Variants in FAT2 observed in about 807,000 individuals in gnomAD.
The protein encoded by FAT2 is FAT atypical cadherin 2, also known as protocadherin Fat 2.
A neutral mutation model predicts 295.3 loss-of-function variants in FAT2; 150 were observed. The ratio of observed to expected loss-of-function variants is 0.51; its 90% CI spans 0.44 to 0.58. The LOEUF (loss-of-function observed/expected upper bound fraction) is 0.58. Among genes scored for constraint, FAT2 ranks in the 20% least tolerant of loss-of-function variants. FAT2 has a pLI of 0.00. For missense variants in FAT2, 4,868 were observed against 5,442.7 expected, an observed-to-expected ratio of 0.89 and a Z score of 3.32; for synonymous variants, 2,026 against 2,150.3, an observed-to-expected ratio of 0.94 and a Z score of 1.60.
At chr5:151,538,750 T>C (rs1294430341) in intron 11 of FAT2, among the ~76,000 whole-genome samples, 1 of 152,158 alleles carries the variant, frequency 6.6e-6, no homozygotes, top group Non-Finnish European at 1.5e-5. Flanking sequence ...CGATCTTGGC[T>C]CACTGCAACC....
chr5:151,537,779 C>A lies in FAT2; in HGVS notation c.9193+14G>T, dbSNP rs754331468. The A allele has an allele frequency of 6.2e-7, 1 of 1,604,882 alleles. No homozygotes were observed. On this transcript the variant is annotated intron_variant, in intron 12 of 23. Transcript: ENST00000261800. ...AGAAGTTCTTGTTTTGATCCTGCAG[C>A]TCAGGAAACCCACCTGTATGAGGAT...
chr5:151,531,834 A>ACGGAC lies in FAT2; in HGVS notation c.9559_9563dup (p.Ala3189SerfsTer25). On this transcript the variant is annotated frameshift_variant, in exon 14 of 24. Transcript: ENST00000261800. LOFTEE classifies it high-confidence loss of function. This position sits in a 1 kb window ranked among gnomAD's most constrained non-coding sequence, Gnocchi z 5.7. ...GTATTGGGGTGCCCAGGTCAGAGGC[A>ACGGAC]CGGACCGTGAGCTCCAGTGGTGCCT... The ACGGAC allele has an allele frequency of 6.2e-7, 1 of 1,613,724 alleles. No homozygotes were observed. The highest frequency in any genetic ancestry group is 8.5e-7 in the Non-Finnish European group (1 of 1,179,980).
rs749606072 is a variant in FAT2, at chr5:151,556,256, C to G, written c.3633+88G>C. ...TCTTCCTCCCTGAACCCAGACCCTC[C>G]TCAGCCACAGTGCTAGACATGCACG... On this transcript the variant is annotated intron_variant, in intron 4 of 23. Transcript: ENST00000261800. The G allele has an allele frequency of 3.6e-6, 4 of 1,125,210 alleles. No individual in the cohort carries two copies. The African/African-American group carries it at 6.1e-5, about 17-fold the overall frequency. 69.7% of individuals were successfully genotyped at this position (1,125,210 alleles called of 1,614,324 possible).
In FAT2 at chr5:151,545,145, G is replaced by T. The variant is rs1756498903; in HGVS notation, c.5982C>A (p.Gly1994=). The change falls in exon 10 of 24, where the codon GGC becomes GGA. Residue 1994 remains glycine, a synonymous_variant. Transcript: ENST00000261800. ...AGGAAAGGGTGTCATTCAAATGATT[G>T]CCCTGGGCACCAAGAATCACCAGTG... ...RKALVILGAQ[G]NHLNDTLSYF... 5 of 1,614,040 alleles carry T rather than the reference G, an allele frequency of 3.1e-6. No individual in the cohort carries two copies. Among genetic ancestry groups the T allele is most frequent in the East Asian group, 2.2e-5 (1 of 44,892 alleles).
chr5:151,544,526 G>A lies in FAT2; in HGVS notation c.6601C>T (p.Leu2201Phe), dbSNP rs145582772. The A allele has an allele frequency of 1.8e-4, 287 of 1,614,076 alleles. No individual in the cohort carries two copies. The African/African-American group carries it at 3.4e-3, about 19-fold the overall frequency. ...LHTQARSPEG[L>F]RLIYNIVEEE... ...TCCACAATGTTGTAGATGAGCCGGAGTCCCTCTGGACTCCGGGCCTGGGTG... is the reference window on the plus strand; with the variant it reads ...TCCACAATGTTGTAGATGAGCCGGAATCCCTCTGGACTCCGGGCCTGGGTG... Residue 2201 changes from leucine (L) to phenylalanine (F), a missense_variant, in exon 10 of 24, where the codon CTC (leucine) becomes TTC (phenylalanine). Physicochemically the swap from Leu to Phe is conservative, Grantham distance 22. This residue lies in a region of FAT2 where 3,297 missense variants were observed against 3,669.4 expected (regional missense o/e 0.90). Transcript: ENST00000261800.
In FAT2 at chr5:151,550,865, T is replaced by G; in HGVS notation, c.4303A>C (p.Ile1435Leu). The G allele has an allele frequency of 6.2e-7, 1 of 1,612,780 alleles. No homozygotes were observed. Among genetic ancestry groups the G allele is most frequent in the Non-Finnish European group, 8.5e-7 (1 of 1,179,846 alleles). The change falls in exon 8 of 24, where the codon ATC becomes CTC. Residue 1435 changes from isoleucine to leucine, a missense_variant. Physicochemically the swap from Ile to Leu is conservative, Grantham distance 5. Around this residue, in one of 5 missense-constraint regions of FAT2, gnomAD observed 3,297 missense variants for 3,669.4 expected, o/e 0.90. Transcript: ENST00000261800. ...GSRTIATQVHIFMIANINHHR... is the reference protein window; with the variant it reads ...GSRTIATQVHLFMIANINHHR... ...TGGTTAATGTTGGCAATCATGAAGA[T>G]GTGGACCTAGGGAGGGAGATGAGGG... is the stretch of plus-strand genomic sequence containing the variant.
At position 151,534,446 on chromosome 5, in the gene FAT2, G is replaced by A; in HGVS notation, c.9390C>T (p.Thr3130=). The change falls in exon 13 of 24, where the codon ACC becomes ACT. Residue 3130 remains threonine, a synonymous_variant. Transcript: ENST00000261800. ...CCCGGGCAAATACTACAGCCACAGGGGTCTTCACTGTGGTGTTGTCGAAGA... is the reference window on the plus strand; with the variant it reads ...CCCGGGCAAATACTACAGCCACAGGAGTCTTCACTGTGGTGTTGTCGAAGA... ...VAVFDNTTVK[T]PVAVVFARDP... is the part of the protein sequence containing the mutation. The A allele has an allele frequency of 1.2e-6, 2 of 1,613,320 alleles. No individual in the cohort carries two copies. Among genetic ancestry groups the A allele is most frequent in the African/African-American group, 1.3e-5 (1 of 74,992 alleles).
chr5:151,521,927 T>C lies in FAT2; in HGVS notation c.10666A>G (p.Thr3556Ala), dbSNP rs200708864. The change falls in exon 19 of 24, where the codon ACA (threonine) becomes GCA (alanine). Residue 3556 changes from threonine to alanine, a missense_variant. By Grantham distance (58) the Thr-to-Ala change is moderately conservative (BLOSUM62 0). Around this residue, in one of 5 missense-constraint regions of FAT2, gnomAD observed 1,046 missense variants for 1,210.1 expected, o/e 0.86. Coordinates refer to ENST00000261800, the MANE Select transcript of FAT2 (RefSeq NM_001447.3). ...QGGMVGKIHA[T>A]DRDPQDTLTY... ...AGCGTGTCCTGGGGGTCTCGGTCTG[T>C]GGCATGGATCTTACCCACCATGCCA... The C allele has an allele frequency of 1.6e-4, 266 of 1,613,972 alleles. No homozygotes were observed. Among genetic ancestry groups the C allele is most frequent in the Non-Finnish European group, 2.2e-4 (255 of 1,179,938 alleles).
intron 1 of FAT2, among the ~76,000 whole-genome samples, chr5:151,576,471 A>C (rs1358104335): frequency 6.6e-6 from 1 of 152,208 alleles, no homozygotes; most frequent in African/African-American, 2.4e-5. Context: ...TCTTTTCAGG[A>C]ATGAGGACTA....
chr5:151,514,634 T>G (rs1752654689), intron 20 of FAT2, among the ~76,000 whole-genome samples: 1 of 152,214 alleles, frequency 6.6e-6, no homozygotes, highest in Non-Finnish European at 1.5e-5. Flanking sequence ...CCTGAGTCCA[T>G]CCGTTCTTCC....
In FAT2 at chr5:151,549,487, G is replaced by C. The variant is rs2127619675; in HGVS notation, c.4597C>G (p.Pro1533Ala). The change falls in exon 9 of 24, where the codon CCT becomes GCT. Residue 1533 changes from proline (P) to alanine (A), a missense_variant. Physicochemically the swap from Pro to Ala is conservative, Grantham distance 27. Around this residue, in one of 5 missense-constraint regions of FAT2, gnomAD observed 3,297 missense variants for 3,669.4 expected, o/e 0.90. Transcript: ENST00000261800. The stretch of plus-strand genomic sequence containing the variant: ...ACCCACACGAAGTTCCTCTTGATAG[G>C]TATTTCCTGGTCTCGGACCTATGGG... ...LTVMVRDQEI[P>A]IKRNFVWVTI... 1 of 1,614,172 alleles carries C rather than the reference G, an allele frequency of 6.2e-7. No individual in the cohort carries two copies. Among genetic ancestry groups the C allele is most frequent in the Non-Finnish European group, 8.5e-7 (1 of 1,180,038 alleles).
chr5:151,508,435 C>T (rs573486863), intron 22 of FAT2, among the ~76,000 whole-genome samples: 7 of 152,270 alleles, frequency 4.6e-5, no homozygotes, highest in African/African-American at 9.6e-5. Flanking sequence ...GTCGACTGGG[C>T]GCAGTGGCTC....
chr5:151,558,248 G>C (rs191768679), intron 3 of FAT2, among the ~76,000 whole-genome samples: 1 of 152,120 alleles, frequency 6.6e-6, no homozygotes, highest in African/African-American at 2.4e-5. Context: ...ACATAAAAAG[G>C]AATCTTAAGC....
At chr5:151,580,322 G>A (rs1324056761) in intron 1 of FAT2, among the ~76,000 whole-genome samples, 2 of 152,180 alleles carry the variant, frequency 1.3e-5, no homozygotes, top group African/African-American at 4.8e-5. Flanking sequence ...TGCATTGAGG[G>A]GCAAAGCTGA....
In FAT2 at chr5:151,560,033, A is replaced by G. The variant is rs137885446; in HGVS notation, c.3574+3292T>C. Among the ~76,000 whole-genome samples, 902 of 152,156 alleles carry G rather than the reference A, an allele frequency of 5.9e-3. 4 individuals are homozygous for G. The highest frequency in any genetic ancestry group is 0.01 in the Middle Eastern group (3 of 294). On this transcript the variant is annotated intron_variant, in intron 3 of 23. Transcript: ENST00000261800. ...ACACCCTATCTCAGACCCATATATGACCTTTCATCTTCCCTCATCCAACAG... is the reference window on the plus strand; with the variant it reads ...ACACCCTATCTCAGACCCATATATGGCCTTTCATCTTCCCTCATCCAACAG...
Position 151,517,600 on chromosome 5 carries a change from T to C in FAT2, c.11463+20A>G. 6.2e-7 allele frequency: 1 copy of C among 1,613,458 alleles called. No homozygotes were observed. The highest frequency in any genetic ancestry group is 8.5e-7 in the Non-Finnish European group (1 of 1,179,914). On this transcript the variant is annotated intron_variant, in intron 20 of 23. Transcript: ENST00000261800. ...GCCTGGGACACCCACATGAAATCTC[T>C]CAGGCTGGCAGTGCCTTACCTTCAG...
Position 151,522,041 on chromosome 5 carries a change from G to A in FAT2, c.10552C>T (p.Arg3518Cys), listed in dbSNP as rs746643761. 1.2e-5 allele frequency: 20 copies of A among 1,607,648 alleles called. No homozygotes were observed. Among genetic ancestry groups the A allele is most frequent in the Middle Eastern group, 1.7e-4 (1 of 6,040 alleles). The change falls in exon 19 of 24, where the codon CGT (arginine) becomes TGT (cysteine). Residue 3518 changes from arginine (R) to cysteine (C), a missense_variant. Around this residue, in one of 5 missense-constraint regions of FAT2, gnomAD observed 1,046 missense variants for 1,210.1 expected, o/e 0.86. Transcript: ENST00000261800. ...TGGCTCTGCTCTGTGACATGGACAC[G>A]GACAGACGTCAAAGACGAGAGGGGA... ...IPPLSSLTSV[R>C]VHVTEQSHYA...
Position 151,546,031 on chromosome 5 carries a change from T to A in FAT2, c.5096A>T (p.Lys1699Met), listed in dbSNP as rs2127613709. 6.2e-7 allele frequency: 1 copy of A among 1,614,180 alleles called. No individual in the cohort carries two copies. Among genetic ancestry groups the A allele is most frequent in the South Asian group, 1.1e-5 (1 of 91,066 alleles). ...EVTYELREGN[K>M]DGVFSMNSYS... The stretch of plus-strand genomic sequence containing the variant: ...TGAGTTCATAGAGAAGACTCCATCC[T>A]TATTTCCCTCTCTTAACTCATAGGT... The change falls in exon 10 of 24, where the codon AAG becomes ATG. Residue 1699 changes from lysine to methionine, a missense_variant. Around this residue, in one of 5 missense-constraint regions of FAT2, gnomAD observed 3,297 missense variants for 3,669.4 expected, o/e 0.90. Transcript: ENST00000261800.
At chr5:151,585,864 G>A (rs1256788341) in intron 1 of FAT2, among the ~76,000 whole-genome samples, 6 of 152,218 alleles carry the variant, frequency 3.9e-5, no homozygotes, top group Admixed American at 2.0e-4. Flanking sequence ...AGCTTGTGCC[G>A]ACTATGCTAA....
Sources: allele counts gnomAD v4.1 joint callset (sites outside exome capture counted in the v4.1 genomes callset), GRCh38; gene constraint gnomAD v4.1.1; regional missense constraint gnomAD v4.1.1; non-coding constraint Gnocchi (gnomAD v3.1); transcripts MANE v1.5; gene names NCBI Gene and HGNC (gene_info 2026-07-23, HGNC 2026-07-21).